GRK5: variants seen among roughly 807,000 people sequenced by gnomAD.
The protein encoded by GRK5 is G protein-coupled receptor kinase 5, also known as g protein-coupled receptor kinase GRK5.
Under a neutral mutation model 78.4 loss-of-function variants are expected in GRK5, and 40 were observed. The observed-to-expected ratio is 0.51, with a 90% confidence interval of 0.40 to 0.66. The LOEUF (loss-of-function observed/expected upper bound fraction) is 0.66, where lower values mean the gene tolerates loss of function less well. Ranked by LOEUF, GRK5 falls within the 30% of genes least tolerant of loss-of-function variation. GRK5 has a pLI of 0.00. For synonymous variants in GRK5, 289 were observed against 296.8 expected (o/e 0.97, Z 0.27); for missense variants, 598 against 759.9 (o/e 0.79, Z 2.50).
intron 1 of GRK5, among the ~76,000 whole-genome samples, chr10:119,240,041 G>C (rs1320873552): frequency 3.3e-5 from 5 of 151,956 alleles, no homozygotes; most frequent in African/African-American, 9.7e-5. Context: ...CCCAGTAATG[G>C]GACTGCTGGG....
rs554131638 is a variant in GRK5 at position 119,336,664 on chromosome 10, C to T, written c.148+10053C>T. Among the ~76,000 whole-genome samples the T allele has an allele frequency of 6.6e-6, 1 of 152,184 alleles. No individual in the cohort carries two copies. The highest frequency in any genetic ancestry group is 1.5e-5 in the Non-Finnish European group (1 of 68,032). On this transcript the variant is annotated intron_variant, in intron 2 of 15. Coordinates refer to ENST00000392870, the MANE Select transcript of GRK5 (RefSeq NM_005308.3). The surrounding 1 kb of genome is among the most constrained non-coding windows in gnomAD (Gnocchi z 4.5). ...GGTGACCCAGTCCCCTTCAGGCCTG[C>T]CTGGCTGGCACGTGAGCTCTTGATT...
At chr10:119,359,990 A>G (rs1297071605) in intron 2 of GRK5, among the ~76,000 whole-genome samples, 1 of 147,162 alleles carries the variant, frequency 6.8e-6, no homozygotes, top group African/African-American at 2.5e-5. Context: ...GAGGAGGCGG[A>G]GGGAGGCTGA....
At chr10:119,446,297 A>T (rs1003384123) in intron 12 of GRK5, among the ~76,000 whole-genome samples, 5 of 152,226 alleles carry the variant, frequency 3.3e-5, no homozygotes, top group Non-Finnish European at 5.9e-5. Context: ...CAACCTGCAC[A>T]CGGTTTTTCA....
At chr10:119,453,034 G>A (rs969405631) in intron 14 of GRK5, 111 bp from the exon 15 acceptor site, 68 of 867,364 alleles carry the variant, frequency 7.8e-5, no homozygotes, top group South Asian at 5.2e-4. Context: ...CCTGGAGGGC[G>A]TGTGGCTCAG....
intron 10 of GRK5, among the ~76,000 whole-genome samples, chr10:119,441,745 A>G (rs181908536): frequency 1.6e-3 from 241 of 152,276 alleles, no homozygotes; most frequent in Middle Eastern, 3.4e-3. Context: ...AGGTCGGTCA[A>G]CGTCCAGCCG....
rs1564917409 is a variant in GRK5 at position 119,394,540 on chromosome 10, TGTGTGGGGG to T, written c.262-2154_262-2146del. 5.8e-3 allele frequency among the ~76,000 whole-genome samples: 127 copies of T among 21,830 alleles called. 53 individuals carry two copies. The highest frequency in any genetic ancestry group is 0.017 in the East Asian group (4 of 232). The allele number at this position is 21,830 out of a possible 152,430, so 14.3% of individuals were successfully genotyped here. On this transcript the variant is annotated intron_variant, in intron 3 of 15. Transcript: ENST00000392870. ...GTGGGTGTGTGTGGGTGTGTATCTGTGTGTGGGGGCACGTGTATGTTTGGGTGTGTGTGT... is the reference window on the plus strand; with the variant it reads ...GTGGGTGTGTGTGGGTGTGTATCTGTCACGTGTATGTTTGGGTGTGTGTGT...
chr10:119,294,289 C>T (rs1850041287), intron 1 of GRK5, among the ~76,000 whole-genome samples: 1 of 152,152 alleles, frequency 6.6e-6, no homozygotes, highest in Non-Finnish European at 1.5e-5. Context: ...GTCCACAAGG[C>T]CTGATCCAAC....
chr10:119,384,941 T>C (rs768467446), intron 3 of GRK5, among the ~76,000 whole-genome samples: 49 of 150,942 alleles, frequency 3.2e-4, no homozygotes, highest in Non-Finnish European at 6.2e-4. Flanking sequence ...ATGGGGAGGC[T>C]GGTTGTATCA....
intron 1 of GRK5, among the ~76,000 whole-genome samples, chr10:119,236,799 T>G (rs1483318826): frequency 6.6e-6 from 1 of 151,840 alleles, no homozygotes; most frequent in African/African-American, 2.4e-5. Context: ...ACCTGACTAA[T>G]TTTTGTATTT....
At chr10:119,333,003 C>A (rs1432717087) in intron 2 of GRK5, among the ~76,000 whole-genome samples, 1 of 152,154 alleles carries the variant, frequency 6.6e-6, no homozygotes, top group African/African-American at 2.4e-5. Flanking sequence ...TGTGTATTTT[C>A]TGTCTCCCAC....
intron 1 of GRK5, among the ~76,000 whole-genome samples, chr10:119,310,265 G>A (rs1850336892): frequency 6.6e-6 from 1 of 152,216 alleles, no homozygotes; most frequent in African/African-American, 2.4e-5. Context: ...AAGTAGTCCT[G>A]TTTATTTCTC....
chr10:119,416,790 C>T lies in GRK5; in HGVS notation c.340-6376C>T, dbSNP rs1381118395. 1.3e-5 allele frequency among the ~76,000 whole-genome samples: 2 copies of T among 152,176 alleles called. 1 individual carries two copies. The highest frequency in any genetic ancestry group is 2.9e-5 in the Non-Finnish European group (2 of 68,044). On this transcript the variant is annotated intron_variant, in intron 4 of 15. Coordinates refer to ENST00000392870, the MANE Select transcript of GRK5 (RefSeq NM_005308.3). ...TGTATTTTTAGTAGAGATGGGGTTTCACCATGTTGGCCAGGCTGGACTCGA... is the reference window on the plus strand; with the variant it reads ...TGTATTTTTAGTAGAGATGGGGTTTTACCATGTTGGCCAGGCTGGACTCGA...
intron 2 of GRK5, among the ~76,000 whole-genome samples, chr10:119,332,205 C>T (rs1850793486): frequency 6.6e-6 from 1 of 151,324 alleles, no homozygotes; most frequent in Admixed American, 6.6e-5. Flanking sequence ...TTCCTGGGCT[C>T]AAGCTATCCT....
rs376608088 is a variant in GRK5 at position 119,402,760 on chromosome 10, A to G, written c.339+5988A>G. Among the ~76,000 whole-genome samples, 13 of 152,346 alleles carry G rather than the reference A, an allele frequency of 8.5e-5. No homozygotes were observed. In the East Asian group the frequency reaches 1.5e-3, roughly 18 times the overall value. ...TCCCAGCTACTCCAGAGGCTGAGGT[A>G]CAAGAATCGCTTGAACCAGGGACGG... On this transcript the variant is annotated intron_variant, in intron 4 of 15. Coordinates refer to ENST00000392870, the MANE Select transcript of GRK5 (RefSeq NM_005308.3).
At position 119,217,120 on chromosome 10, in the gene GRK5, C is replaced by T. The variant is rs191495620; in HGVS notation, c.52+9151C>T. On this transcript the variant is annotated intron_variant, in intron 1 of 15. Transcript: ENST00000392870. The surrounding 1 kb of genome is among the most constrained non-coding windows in gnomAD (Gnocchi z 4.1). ...ATATGCCAAAACAACAAACTCTTCT[C>T]GAGATGGTAGGGTTTTTAAGTGTAA... Among the ~76,000 whole-genome samples the T allele has an allele frequency of 4.7e-4, 71 of 152,162 alleles. No homozygotes were observed. The highest frequency in any genetic ancestry group is 7.6e-4 in the Non-Finnish European group (52 of 68,016).
chr10:119,427,473 C>T (rs111210182), intron 6 of GRK5, among the ~76,000 whole-genome samples: 17,054 of 150,148 alleles, frequency 0.11, 1,870 homozygotes, highest in African/African-American at 0.32. Context: ...AGCATCACCA[C>T]CATCATCAGC....
rs546977938 is a variant in GRK5 at position 119,431,626 on chromosome 10, A to G, written c.738+99A>G. 7 of 1,398,658 alleles carry G rather than the reference A, an allele frequency of 5.0e-6. No homozygotes were observed. In the East Asian group the frequency reaches 1.7e-4, roughly 34 times the overall value. The allele number at this position is 1,398,658 out of a possible 1,614,324, so 86.6% of individuals were successfully genotyped here. A position where few individuals can be genotyped will look rare whatever the true frequency, so the allele number is the denominator to read the frequency against. On this transcript the variant is annotated intron_variant, in intron 8 of 15. Coordinates refer to ENST00000392870, the MANE Select transcript of GRK5 (RefSeq NM_005308.3). The surrounding 1 kb of genome is among the most constrained non-coding windows in gnomAD (Gnocchi z 4.8). ...TGGTCCTCTAATGCGGCCGGTCCCC[A>G]CCCCTGGGAAGGGGAATGCCAGTGG...
At chr10:119,394,275 C>CCGTGTATCTATGTGTGTGTGTGTGT (rs1554916264) in intron 3 of GRK5, among the ~76,000 whole-genome samples, 1 of 19,138 alleles carries the variant, frequency 5.2e-5, no homozygotes, top group African/African-American at 2.3e-4. Flanking sequence ...TGTGTGTGGG[C>CCGTGTATCTATGTGTGTGTGTGTGT]GTGTGTGTGG....
At chr10:119,277,783 C>T (rs766132225) in intron 1 of GRK5, among the ~76,000 whole-genome samples, 14 of 152,136 alleles carry the variant, frequency 9.2e-5, no homozygotes, top group African/African-American at 2.2e-4. Context: ...GCTCTGGATT[C>T]GCTTGTATTT....
Sources: gnomAD v4.1 joint callset for allele counts (sites outside exome capture counted in the v4.1 genomes callset) on GRCh38, gnomAD v4.1.1 for gene constraint, Gnocchi (gnomAD v3.1) non-coding constraint, MANE v1.5 for transcripts, NCBI Gene and HGNC (gene_info 2026-07-23, HGNC 2026-07-21) for gene names.